NTM: variants seen among roughly 807,000 people sequenced by gnomAD.
NTM encodes neurotrimin, also known as IgLON family member 2.
A neutral mutation model predicts 42.1 loss-of-function variants in NTM; 13 were observed. The observed-to-expected ratio is 0.31, with a 90% CI of 0.20 to 0.49. NTM has a LOEUF of 0.49. NTM is among the 20% of genes least tolerant of loss of function. NTM has a pLI of 0.99. For missense variants in NTM, 373 were observed against 452.8 expected, an observed-to-expected ratio of 0.82 and a Z score of 1.60; for synonymous variants, 187 against 179.2, an observed-to-expected ratio of 1.04 and a Z score of -0.35.
At chr11:131,463,437 G>A (rs1415550925) in intron 1 of NTM, among the ~76,000 whole-genome samples, 2 of 152,244 alleles carry the variant, frequency 1.3e-5, no homozygotes, top group Non-Finnish European at 2.9e-5. Context: ...TTTCACAGCT[G>A]AGAGGTGCAG....
chr11:131,574,103 G>T (rs1269636480), intron 1 of NTM, among the ~76,000 whole-genome samples: 6 of 152,202 alleles, frequency 3.9e-5, no homozygotes, highest in African/African-American at 1.4e-4. Flanking sequence ...GCCCAGTGTG[G>T]TGTCTGGGGA....
chr11:131,603,588 G>A (rs548066728), intron 1 of NTM, among the ~76,000 whole-genome samples: 7 of 152,204 alleles, frequency 4.6e-5, no homozygotes, highest in African/African-American at 1.4e-4. Flanking sequence ...TTGGTGTTTA[G>A]TATATTGACA....
intron 4 of NTM, among the ~76,000 whole-genome samples, chr11:132,259,937 C>T (rs927678336): frequency 1.3e-5 from 2 of 151,754 alleles, no homozygotes; most frequent in East Asian, 2.0e-4. Context: ...TTTGTAGAGA[C>T]GGGGTTTCAC....
At chr11:132,304,652 T>A (rs1360142958) in intron 4 of NTM, among the ~76,000 whole-genome samples, 1 of 152,238 alleles carries the variant, frequency 6.6e-6, no homozygotes, top group African/African-American at 2.4e-5. Context: ...ACTTTCTCTC[T>A]GGTTTTGCCA....
intron 1 of NTM, among the ~76,000 whole-genome samples, chr11:131,507,085 C>T (rs4936134): frequency 0.13 from 20,472 of 152,102 alleles, 2,270 homozygotes; most frequent in African/African-American, 0.3. Context: ...ATTTTGATCA[C>T]TAGAATAAAT....
chr11:131,371,913 T>C (rs1415685770), intron 1 of NTM, among the ~76,000 whole-genome samples: 1 of 152,144 alleles, frequency 6.6e-6, no homozygotes, highest in Non-Finnish European at 1.5e-5. Flanking sequence ...AGCCCTCTCT[T>C]GGGAGGTGAG....
intron 1 of NTM, among the ~76,000 whole-genome samples, chr11:131,836,335 G>C (rs987260960): frequency 1.3e-5 from 2 of 152,076 alleles, no homozygotes; most frequent in Admixed American, 1.3e-4. Flanking sequence ...CAGAATTCTT[G>C]CTGTTTCATC....
chr11:131,744,616 T>C (rs895906974), intron 1 of NTM, among the ~76,000 whole-genome samples: 2 of 151,528 alleles, frequency 1.3e-5, no homozygotes, highest in African/African-American at 4.9e-5. Context: ...AGAAAATTAA[T>C]GTTTTTTTTA....
At chr11:131,387,629 T>A (rs1241911032) in intron 1 of NTM, among the ~76,000 whole-genome samples, 1 of 152,202 alleles carries the variant, frequency 6.6e-6, no homozygotes, top group East Asian at 1.9e-4. Context: ...AGGCTTGAAA[T>A]GTTTCTCCCA....
Position 131,581,989 on chromosome 11 carries a change from C to T in NTM, c.82+211101C>T, listed in dbSNP as rs535363873. 2.0e-5 allele frequency: 3 copies of T among 152,284 alleles called. No homozygotes were observed. In the East Asian group the frequency reaches 5.8e-4, roughly 29 times the overall value. 9.4% of individuals were successfully genotyped at this position (152,284 alleles called of 1,614,324 possible). A position where few individuals can be genotyped will look rare whatever the true frequency, so the allele number is the denominator to read the frequency against. ...CTGCTCACAGAGGAACAGGCTTTGCCATGACTATGCAGAGCTTTTTCATCC... is the reference window on the plus strand; with the variant it reads ...CTGCTCACAGAGGAACAGGCTTTGCTATGACTATGCAGAGCTTTTTCATCC... On this transcript the variant is annotated intron_variant, in intron 1 of 8. Coordinates refer to ENST00000683400, the MANE Select transcript of NTM (RefSeq NM_001352005.2).
At chr11:132,227,206 T>C (rs74563083) in intron 4 of NTM, among the ~76,000 whole-genome samples, 4 of 152,204 alleles carry the variant, frequency 2.6e-5, no homozygotes, top group East Asian at 1.9e-4. Flanking sequence ...GAAGGAAATC[T>C]CAAAACCAGT....
intron 1 of NTM, among the ~76,000 whole-genome samples, chr11:131,789,616 GAAGAAGAAGAAGAAGAAGAAA>G (rs2090418767): frequency 1.2e-5 from 1 of 84,304 alleles, no homozygotes. Context: ...AGAAGAAGAA[GAAGAAGAAGAAGAAGAAGAAA>G]AGAAGAAGAA....
At chr11:131,825,099 G>T (rs2041972297) in intron 1 of NTM, among the ~76,000 whole-genome samples, 1 of 152,166 alleles carries the variant, frequency 6.6e-6, no homozygotes, top group Non-Finnish European at 1.5e-5. Context: ...ATCTGTTCCA[G>T]GCTTCTTGTC....
intron 2 of NTM, among the ~76,000 whole-genome samples, chr11:131,920,414 G>C (rs2057054329): frequency 6.6e-6 from 1 of 152,188 alleles, no homozygotes; most frequent in South Asian, 2.1e-4. Flanking sequence ...CTTTTGGTCA[G>C]GTCTAGGGCA....
chr11:132,289,635 G>C (rs1156637727), intron 4 of NTM, among the ~76,000 whole-genome samples: 2 of 152,186 alleles, frequency 1.3e-5, no homozygotes, highest in African/African-American at 4.8e-5. Context: ...GTGGTGAGAA[G>C]AAAGAGAAGA....
chr11:131,665,147 T>C (rs947010722), intron 1 of NTM, among the ~76,000 whole-genome samples: 27 of 152,200 alleles, frequency 1.8e-4, no homozygotes, highest in Admixed American at 6.5e-5. Context: ...GGCTGACACC[T>C]GGAGACAGCG....
intron 1 of NTM, among the ~76,000 whole-genome samples, chr11:131,579,154 G>A (rs2058177727): frequency 6.6e-6 from 1 of 152,190 alleles, no homozygotes; most frequent in Non-Finnish European, 1.5e-5. Context: ...GGAGACTGCT[G>A]TAGGGTCACA....
chr11:131,378,922 A>G lies in NTM; in HGVS notation c.82+8034A>G, dbSNP rs1942301967. ...CTCAATGACAATTTTGCAGCTTCAT[A>G]TGTTAGGTAGAAGTGATGCTGGCTC... On this transcript the variant is annotated intron_variant, in intron 1 of 8. Coordinates refer to ENST00000683400, the MANE Select transcript of NTM (RefSeq NM_001352005.2). Among the ~76,000 whole-genome samples, 4 of 152,162 alleles carry G rather than the reference A, an allele frequency of 2.6e-5. No homozygotes were observed. In the South Asian group the frequency reaches 8.3e-4, roughly 32 times the overall value.
chr11:132,056,179 A>G (rs937861821), intron 2 of NTM, among the ~76,000 whole-genome samples: 2 of 152,242 alleles, frequency 1.3e-5, no homozygotes, highest in Admixed American at 6.5e-5. Flanking sequence ...TTTATTCAGT[A>G]AATACCAAAC....
Sources: gnomAD v4.1 joint callset for allele counts (sites outside exome capture counted in the v4.1 genomes callset) on GRCh38, gnomAD v4.1.1 for gene constraint, MANE v1.5 for transcripts, NCBI Gene and HGNC (gene_info 2026-07-23, HGNC 2026-07-21) for gene names.